The following TMEM182 variants were observed in gnomAD, a reference collection of about 807,000 sequenced individuals.
TMEM182 encodes transmembrane protein 182.
Under a neutral mutation model 26.8 loss-of-function variants are expected in TMEM182, and 20 were observed. That is an observed-to-expected ratio of 0.75 (90% confidence interval 0.53 to 1.09). The LOEUF is 1.09. Among genes scored for constraint, TMEM182 ranks in the 50% least tolerant of loss-of-function variants. The pLI is 0.00. For synonymous variants in TMEM182, 109 were observed against 102.2 expected (o/e 1.07, Z -0.40); for missense variants, 277 against 275.5 (o/e 1.01, Z -0.04).
intron 3 of TMEM182, chr2:102,775,403 C>G (rs1275384119): frequency 6.6e-6 from 1 of 152,038 alleles, no homozygotes; most frequent in African/African-American, 2.4e-5. Context: ...ATAATAAGAG[C>G]TATCTATGAC....
chr2:102,834,925 C>G (rs115765559), intron 3 of TMEM182, among the ~76,000 whole-genome samples: 1 of 152,298 alleles, frequency 6.6e-6, no homozygotes, highest in African/African-American at 2.4e-5. Flanking sequence ...TCACCCGTTT[C>G]ACCTGAGGTG....
At chr2:102,775,830 A>C (rs1680893140) in intron 3 of TMEM182, among the ~76,000 whole-genome samples, 1 of 152,168 alleles carries the variant, frequency 6.6e-6, no homozygotes, top group African/African-American at 2.4e-5. Context: ...TCCAACTTAC[A>C]AGGGATGTGA....
chr2:102,821,691 C>T (rs1488544222), downstream of TMEM182, among the ~76,000 whole-genome samples: 2 of 152,140 alleles, frequency 1.3e-5, no homozygotes, highest in African/African-American at 4.8e-5. Context: ...TCCTTTAGGC[C>T]TTTGTTCAAA....
At chr2:102,784,746 G>T (rs1261726070) in intron 3 of TMEM182, among the ~76,000 whole-genome samples, 1 of 152,156 alleles carries the variant, frequency 6.6e-6, no homozygotes, top group African/African-American at 2.4e-5. Context: ...CCCCTTTTTA[G>T]ACCATATAGG....
At position 102,816,737 on chromosome 2, in the gene TMEM182, G is replaced by A. The variant is rs1227336912; in HGVS notation, c.*1769G>A. 2 of 985,524 alleles carry A rather than the reference G, an allele frequency of 2.0e-6. No homozygotes were observed. The highest frequency in any genetic ancestry group is 2.4e-6 in the Non-Finnish European group (2 of 829,892). 61.0% of individuals were successfully genotyped at this position (985,524 alleles called of 1,614,324 possible). A position where few individuals can be genotyped will look rare whatever the true frequency, so the allele number is the denominator to read the frequency against. ...CATGTTGACTGTGATATTAAGTTAT[G>A]GCATGCCATTAAGTTTTCCAGACGA... On this transcript the variant is annotated 3_prime_UTR_variant, in exon 5 of 5. Coordinates refer to ENST00000412401, the MANE Select transcript of TMEM182 (RefSeq NM_144632.5).
chr2:102,828,880 G>T (rs1419445731), intron 3 of TMEM182, among the ~76,000 whole-genome samples: 2 of 152,192 alleles, frequency 1.3e-5, no homozygotes, highest in Non-Finnish European at 1.5e-5. Context: ...AGACTGTAAG[G>T]CTAAACAGTT....
chr2:102,773,192 A>G (rs1197604077), intron 3 of TMEM182, among the ~76,000 whole-genome samples: 1 of 152,054 alleles, frequency 6.6e-6, no homozygotes, highest in African/African-American at 2.4e-5. Context: ...GTTCTGGGGA[A>G]CAGTAGTCCA....
At chr2:102,824,477 A>T (rs1455283201) in intron 3 of TMEM182, among the ~76,000 whole-genome samples, 2 of 152,062 alleles carry the variant, frequency 1.3e-5, no homozygotes, top group East Asian at 3.9e-4. Flanking sequence ...TTGGTTGTTT[A>T]AAAGTGTGAA....
At chr2:102,841,309 C>T (rs972691704) in intron 3 of TMEM182, among the ~76,000 whole-genome samples, 1 of 152,154 alleles carries the variant, frequency 6.6e-6, no homozygotes, top group Non-Finnish European at 1.5e-5. Flanking sequence ...ATACACCAAC[C>T]GTGCAGAAGC....
At chr2:102,766,760 G>A (rs1680468312) in intron 3 of TMEM182, among the ~76,000 whole-genome samples, 1 of 152,104 alleles carries the variant, frequency 6.6e-6, no homozygotes, top group African/African-American at 2.4e-5. Flanking sequence ...GTCACCTTTG[G>A]TAAATTGAAA....
At chr2:102,750,261 A>T (rs944181677) in intron 1 of TMEM182, among the ~76,000 whole-genome samples, 7 of 151,972 alleles carry the variant, frequency 4.6e-5, no homozygotes, top group African/African-American at 1.2e-4. Context: ...TTCAGTGTTT[A>T]AAAAAAAGTG....
In TMEM182 at chr2:102,762,706, A is replaced by T. The variant is rs765365774; in HGVS notation, c.232+20A>T. The T allele has an allele frequency of 4.4e-6, 7 of 1,588,302 alleles. No homozygotes were observed. The highest frequency in any genetic ancestry group is 6.0e-6 in the Non-Finnish European group (7 of 1,159,122). On this transcript the variant is annotated intron_variant, in intron 2 of 4. Transcript: ENST00000412401. ...GGTACAGTAAGTACAATTTAGCTTT[A>T]TTTTCCCTCTTGTCTGTAAAATAAA...
chr2:102,816,520 A>T lies in TMEM182; in HGVS notation c.*1552A>T, dbSNP rs923553339. On this transcript the variant is annotated 3_prime_UTR_variant, in exon 5 of 5. Transcript: ENST00000412401. ...CATGACAGGACTTGCCAATAATAAT[A>T]ATAATAATAATAATAATAATAATAA... 5 of 956,352 alleles carry T rather than the reference A, an allele frequency of 5.2e-6. No homozygotes were observed. The highest frequency in any genetic ancestry group is 6.2e-6 in the Non-Finnish European group (5 of 805,852). 59.2% of individuals were successfully genotyped at this position (956,352 alleles called of 1,614,324 possible).
rs117843362 is a variant in TMEM182, at chr2:102,780,568, T to A, written c.331+16141T>A. Among the ~76,000 whole-genome samples, 81 of 152,290 alleles carry A rather than the reference T, an allele frequency of 5.3e-4. No homozygotes were observed. In the East Asian group the frequency reaches 0.015, roughly 28 times the overall value. On this transcript the variant is annotated intron_variant, in intron 3 of 4. Coordinates refer to ENST00000412401, the MANE Select transcript of TMEM182 (RefSeq NM_144632.5). Reference sequence around the variant, plus strand: ...TGACACCACTCTAGTTAGAAGGGGCTACCTCATTTCTACCTCTTAGAAGTA... The same window carrying A: ...TGACACCACTCTAGTTAGAAGGGGCAACCTCATTTCTACCTCTTAGAAGTA...
chr2:102,798,030 A>G, intron 4 of TMEM182, 30 bp downstream of exon 4: 3 of 1,576,246 alleles, frequency 1.9e-6, no homozygotes, highest in South Asian at 1.2e-5. Context: ...TATGACTTTC[A>G]GCCACGGTTT....
At chr2:102,826,800 G>C (rs1174996034) in intron 3 of TMEM182, among the ~76,000 whole-genome samples, 1 of 152,068 alleles carries the variant, frequency 6.6e-6, no homozygotes, top group Admixed American at 6.6e-5. Context: ...ACTTGAGGGA[G>C]CGGGTCGCAA....
At chr2:102,750,915 A>G (rs1679857318) in intron 1 of TMEM182, among the ~76,000 whole-genome samples, 1 of 152,190 alleles carries the variant, frequency 6.6e-6, no homozygotes, top group Non-Finnish European at 1.5e-5. Flanking sequence ...CTGGAAGTCC[A>G]GATCAGGGTG....
intron 3 of TMEM182, among the ~76,000 whole-genome samples, chr2:102,838,013 G>A (rs1437642255): frequency 2.0e-5 from 3 of 152,192 alleles, no homozygotes; most frequent in African/African-American, 4.8e-5. Flanking sequence ...CCTTCTCAGC[G>A]CCAGGCCCTG....
rs940609421 is a variant in TMEM182, at chr2:102,815,672, C to T, written c.*704C>T. ...AATCTGCATACCAAATTATGTATAA[C>T]GTAGATTGAATTTTTATGAACTTAA... On this transcript the variant is annotated 3_prime_UTR_variant, in exon 5 of 5. Coordinates refer to ENST00000412401, the MANE Select transcript of TMEM182 (RefSeq NM_144632.5). 65 of 983,710 alleles carry T rather than the reference C, an allele frequency of 6.6e-5. No homozygotes were observed. The highest frequency in any genetic ancestry group is 2.8e-4 in the South Asian group (6 of 21,250). 60.9% of individuals were successfully genotyped at this position (983,710 alleles called of 1,614,324 possible).
Sources: allele counts gnomAD v4.1 joint callset (sites outside exome capture counted in the v4.1 genomes callset), GRCh38; gene constraint gnomAD v4.1.1; transcripts MANE v1.5; gene names NCBI Gene and HGNC (gene_info 2026-07-23, HGNC 2026-07-21).